The following GUCY2C variants were observed in gnomAD, a reference collection of about 807,000 sequenced individuals.
The protein encoded by GUCY2C is guanylate cyclase 2C, also known as guanylyl cyclase C.
GUCY2C carries 118 observed loss-of-function variants against 131.1 expected under a neutral mutation model. The ratio of observed to expected loss-of-function variants is 0.90; its 90% CI spans 0.78 to 1.05. The LOEUF is 1.05. GUCY2C is among the 50% of genes least tolerant of loss of function. The pLI, the probability that GUCY2C is intolerant of heterozygous loss-of-function variation, is 0.00. For missense variants in GUCY2C, 1,161 were observed against 1,304.4 expected, an observed-to-expected ratio of 0.89 and a Z score of 1.69; for synonymous variants, 452 against 457.8, an observed-to-expected ratio of 0.99 and a Z score of 0.16.
intron 17 of GUCY2C, among the ~76,000 whole-genome samples, chr12:14,641,658 G>T (rs564367072): frequency 3.9e-5 from 6 of 152,256 alleles, no homozygotes; most frequent in Admixed American, 1.3e-4. Flanking sequence ...ACAAATTTTG[G>T]CCAGGCGTAG....
rs1012148907 is a variant in GUCY2C at position 14,681,281 on chromosome 12, T to C, written c.733+75A>G. 19 of 1,339,972 alleles carry C rather than the reference T, an allele frequency of 1.4e-5. 1 individual carries two copies. In the South Asian group the frequency reaches 2.3e-4, roughly 16 times the overall value. The allele number at this position is 1,339,972 out of a possible 1,614,324, so 83.0% of individuals were successfully genotyped here. ...TGATAGCTCTGCAGTGGAGGATTTG[T>C]TGAAATGACTTATAAGGAGGTGGTA... On this transcript the variant is annotated intron_variant, in intron 5 of 26. Coordinates refer to ENST00000261170, the MANE Select transcript of GUCY2C (RefSeq NM_004963.4).
chr12:14,656,580 A>G lies in GUCY2C; in HGVS notation c.1402T>C (p.Trp468Arg). 1 of 1,598,174 alleles carries G rather than the reference A, an allele frequency of 6.3e-7. No homozygotes were observed. The highest frequency in any genetic ancestry group is 8.6e-7 in the Non-Finnish European group (1 of 1,165,600). Residue 468 changes from tryptophan to arginine, a missense_variant, in exon 12 of 27, where the codon TGG becomes CGG. Coordinates refer to ENST00000261170, the MANE Select transcript of GUCY2C (RefSeq NM_004963.4). ...RKDYELRQKK[W>R]SHIPPENIFP... Reference sequence around the variant, plus strand: ...ATATTTTCAGGAGGAATGTGGGACCATTTTTTCTGACGAAGTTCATAATCT... The same window carrying G: ...ATATTTTCAGGAGGAATGTGGGACCGTTTTTTCTGACGAAGTTCATAATCT...
intron 23 of GUCY2C, among the ~76,000 whole-genome samples, chr12:14,619,964 G>A (rs1164757846): frequency 6.6e-6 from 1 of 152,238 alleles, no homozygotes; most frequent in Non-Finnish European, 1.5e-5. Flanking sequence ...GAATGACTGA[G>A]TGCAAGGTGT....
chr12:14,672,817 AC>A (rs1948142237), intron 9 of GUCY2C, 55 bp downstream of exon 9: 1 of 912,678 alleles, frequency 1.1e-6, no homozygotes, highest in East Asian at 2.4e-5. Context: ...CTTCCAAGTT[AC>A]CCCTCCTCAC....
Position 14,672,975 on chromosome 12 carries a change from G to A in GUCY2C, c.1085-17C>T. On this transcript the variant is annotated splice_polypyrimidine_tract_variant and intron_variant, in intron 8 of 26. Transcript: ENST00000261170. ...CGTCATACCCTAGGGCAAGATCAGAGTATGTTAGAGGCCATTCTTGATTTT... is the reference window on the plus strand; with the variant it reads ...CGTCATACCCTAGGGCAAGATCAGAATATGTTAGAGGCCATTCTTGATTTT... The A allele has an allele frequency of 6.9e-7, 1 of 1,443,314 alleles. No individual in the cohort carries two copies. Among genetic ancestry groups the A allele is most frequent in the Non-Finnish European group, 9.8e-7 (1 of 1,024,162 alleles). 89.4% of individuals were successfully genotyped at this position (1,443,314 alleles called of 1,614,324 possible). A position where few individuals can be genotyped will look rare whatever the true frequency, so the allele number is the denominator to read the frequency against.
At chr12:14,675,207 C>CAAAAAAAA (rs35870014) in intron 7 of GUCY2C, among the ~76,000 whole-genome samples, 428 of 28,896 alleles carry the variant, frequency 0.015, no homozygotes, top group Middle Eastern at 0.038. Context: ...AACTCCATCT[C>CAAAAAAAA]AAAAAAAAAA....
intron 9 of GUCY2C, 66 bp from the exon 10 acceptor site, chr12:14,669,899 A>G: frequency 1.5e-6 from 1 of 650,962 alleles, no homozygotes; most frequent in Non-Finnish European, 2.7e-6. Flanking sequence ...TTATGGTGAG[A>G]TTAATGATTC....
At chr12:14,686,710 T>C (rs917858002) in intron 2 of GUCY2C, among the ~76,000 whole-genome samples, 3 of 152,236 alleles carry the variant, frequency 2.0e-5, no homozygotes, top group African/African-American at 2.4e-5. Flanking sequence ...GGAATCTGGT[T>C]GGGACCATCT....
At chr12:14,650,852 G>A (rs1947640351) in intron 15 of GUCY2C, among the ~76,000 whole-genome samples, 4 of 152,102 alleles carry the variant, frequency 2.6e-5, no homozygotes, top group African/African-American at 9.7e-5. Context: ...AACATATAGG[G>A]CTATGTTTTT....
chr12:14,641,094 G>A lies in GUCY2C; in HGVS notation c.2056C>T (p.Arg686Trp), dbSNP rs192199843. 48 of 1,613,432 alleles carry A rather than the reference G, an allele frequency of 3.0e-5. No individual in the cohort carries two copies. In the East Asian group the frequency reaches 6.2e-4, roughly 21 times the overall value. The change falls in exon 18 of 27, where the codon CGG (arginine) becomes TGG (tryptophan). Residue 686 changes from arginine to tryptophan, a missense_variant. Arg to Trp is a moderately radical substitution (Grantham distance 101). Transcript: ENST00000261170. ...RKETFYTLSCRDRNEKIFRVE... is the reference protein window; with the variant it reads ...RKETFYTLSCWDRNEKIFRVE... ...GGTTTAGATGTACCATTCCGGTCCC[G>A]ACAGCTCAAAGTGTAGAAGGTTTCT...
chr12:14,659,429 T>C (rs1479913937), intron 11 of GUCY2C, among the ~76,000 whole-genome samples: 1 of 152,230 alleles, frequency 6.6e-6, no homozygotes, highest in Non-Finnish European at 1.5e-5. Flanking sequence ...ACTGATATTC[T>C]TTTCTATTGA....
rs777478297 is a variant in GUCY2C at position 14,641,146 on chromosome 12, G to T, written c.2004C>A (p.Ile668=). Residue 668 remains isoleucine, a synonymous_variant, in exon 18 of 27, where the codon ATC becomes ATA. Transcript: ENST00000261170. Reference sequence around the variant, plus strand: ...TCCGCAGGATGATCTCCTGTGCGATGATCCCATAGCTGTACACATCTCCTT... The same window carrying T: ...TCCGCAGGATGATCTCCTGTGCGATTATCCCATAGCTGTACACATCTCCTT... The part of the protein sequence containing the change: ...SQKGDVYSYG[I]IAQEIILRKE... 2 of 1,613,698 alleles carry T rather than the reference G, an allele frequency of 1.2e-6. No individual in the cohort carries two copies. Among genetic ancestry groups the T allele is most frequent in the Non-Finnish European group, 1.7e-6 (2 of 1,179,774 alleles).
At chr12:14,614,837 TC>T in intron 26 of GUCY2C, 29 bp downstream of exon 26, 1 of 1,415,678 alleles carries the variant, frequency 7.1e-7, no homozygotes, top group Admixed American at 2.1e-5. Flanking sequence ...TCTAATTTCC[TC>T]CCTGTCCCTG....
intron 2 of GUCY2C, 121 bp from the exon 3 acceptor site, chr12:14,686,346 A>T: frequency 1.4e-6 from 1 of 689,840 alleles, no homozygotes; most frequent in East Asian, 2.7e-5. Flanking sequence ...AAAATGCTCA[A>T]ACTCAGAGCA....
intron 16 of GUCY2C, 148 bp downstream of exon 16, chr12:14,645,081 C>T (rs1947493087): frequency 1.9e-6 from 1 of 516,588 alleles, no homozygotes; most frequent in African/African-American, 2.0e-5. Flanking sequence ...TCACAAAATC[C>T]TCATAACCTA....
intron 10 of GUCY2C, chr12:14,665,883 T>C (rs1947968326): frequency 6.6e-6 from 1 of 152,230 alleles, no homozygotes; most frequent in Non-Finnish European, 1.5e-5. Flanking sequence ...GCGGCTTCAT[T>C]GTCTGGGGAC....
Position 14,688,017 on chromosome 12 carries a change from C to T in GUCY2C, c.264G>A (p.Leu88=). ...VNATFMYSDG[L]IHNSGDCRSS... is the part of the protein sequence containing the mutation. ...TCCGGCAGTCGCCTGAGTTATGAAT[C>T]AGACCATCCGAATACATGAAAGTAG... Residue 88 remains leucine, a synonymous_variant, in exon 2 of 27, where the codon CTG becomes CTA. Transcript: ENST00000261170. The T allele has an allele frequency of 6.2e-7, 1 of 1,614,022 alleles. No homozygotes were observed.
intron 26 of GUCY2C, among the ~76,000 whole-genome samples, chr12:14,614,143 A>G (rs1235541198): frequency 6.6e-6 from 1 of 152,160 alleles, no homozygotes; most frequent in Non-Finnish European, 1.5e-5. Context: ...ACATGCATGA[A>G]GTGAACTCTA....
intron 1 of GUCY2C, among the ~76,000 whole-genome samples, chr12:14,688,559 C>A (rs1948518398): frequency 6.6e-6 from 1 of 152,204 alleles, no homozygotes; most frequent in Non-Finnish European, 1.5e-5. Context: ...TTGCAGGAGG[C>A]TGCAGTCTTC....
Sources: allele counts gnomAD v4.1 joint callset (sites outside exome capture counted in the v4.1 genomes callset), GRCh38; gene constraint gnomAD v4.1.1; transcripts MANE v1.5; gene names NCBI Gene and HGNC (gene_info 2026-07-23, HGNC 2026-07-21).